ACYP2: variants seen among roughly 807,000 people sequenced by gnomAD.
ACYP2 encodes the protein acylphosphatase 2, also known as acylphosphatase-2.
In ACYP2, 12 loss-of-function variants were observed where a neutral mutation model predicts 11.2. The observed-to-expected ratio is 1.08, with a 90% CI of 0.69 to 1.74. The LOEUF (loss-of-function observed/expected upper bound fraction) is 1.74, where lower values mean the gene tolerates loss of function less well. ACYP2 is among the 40% of genes most tolerant of loss of function. The pLI, the probability that ACYP2 is intolerant of heterozygous loss-of-function variation, is 0.00. For missense variants in ACYP2, 134 were observed against 101.9 expected (o/e 1.31, Z -1.35); for synonymous variants, 43 against 32.2 (o/e 1.33, Z -1.13).
intron 6 of ACYP2, among the ~76,000 whole-genome samples, chr2:54,290,224 C>T (rs1689243748): frequency 6.6e-6 from 1 of 152,070 alleles, no homozygotes. Flanking sequence ...CGGGCGAGGC[C>T]GTGGCTGCCT....
chr2:54,023,848 A>C (rs1558478093), intron 2 of ACYP2, among the ~76,000 whole-genome samples: 1 of 152,252 alleles, frequency 6.6e-6, no homozygotes, highest in Non-Finnish European at 1.5e-5. Flanking sequence ...ATGGATTCAC[A>C]GCTGAATTCT....
At chr2:53,971,946 T>C (rs1300848510) in intron 1 of ACYP2, among the ~76,000 whole-genome samples, 1 of 152,248 alleles carries the variant, frequency 6.6e-6, no homozygotes, top group Non-Finnish European at 1.5e-5. Flanking sequence ...ATTCAGAGCT[T>C]TATCCTAGAG....
At position 54,051,448 on chromosome 2, in the gene ACYP2, CG is replaced by C. The variant is rs1573611985; in HGVS notation, c.155+401del. ...AATGAAAATCTATATCCCTCCTAAA[CG>C]GGTGACAAAAAAGAAGTTTGAGGAT... is the stretch of plus-strand genomic sequence containing the variant. On this transcript the variant is annotated intron_variant, in intron 3 of 6. Coordinates refer to ENST00000607452, the MANE Select transcript of ACYP2 (RefSeq NM_001320586.2). 4.3e-6 allele frequency: 3 copies of C among 705,164 alleles called. No homozygotes were observed. In the African/African-American group the frequency reaches 5.3e-5, roughly 13 times the overall value. The allele number at this position is 705,164 out of a possible 1,614,324, so 43.7% of individuals were successfully genotyped here. A position where few individuals can be genotyped will look rare whatever the true frequency, so the allele number is the denominator to read the frequency against.
chr2:54,120,088 T>G (rs903753296), intron 4 of ACYP2, among the ~76,000 whole-genome samples: 14 of 152,256 alleles, frequency 9.2e-5, no homozygotes, highest in Non-Finnish European at 2.1e-4. Context: ...CAATCTGACT[T>G]ATCACTGTTG....
chr2:54,233,819 C>A (rs189420838), intron 6 of ACYP2, among the ~76,000 whole-genome samples: 269 of 152,102 alleles, frequency 1.8e-3, no homozygotes, highest in Non-Finnish European at 2.8e-3. Flanking sequence ...AAAAAGGTCA[C>A]GGGAAAATGG....
intron 6 of ACYP2, among the ~76,000 whole-genome samples, chr2:54,211,451 T>C (rs1685326773): frequency 6.6e-6 from 1 of 152,244 alleles, no homozygotes; most frequent in African/African-American, 2.4e-5. Context: ...AAAACCTAAC[T>C]GCTGTTAGTT....
chr2:54,039,311 G>A (rs1394974585), intron 2 of ACYP2, among the ~76,000 whole-genome samples: 1 of 150,180 alleles, frequency 6.7e-6, no homozygotes, highest in Admixed American at 6.6e-5. Context: ...TTGGCGGGGG[G>A]GGACAGGGTC....
rs145615796 is a variant in ACYP2, at chr2:54,055,067, C to T, written c.156-2172C>T. ...TTTTTTCTTTTTTTAGACAGAGTCT[C>T]GCTCTGTCAACCGGGCTAGAGTGCA... is the stretch of plus-strand genomic sequence containing the variant. On this transcript the variant is annotated intron_variant, in intron 3 of 6. Transcript: ENST00000607452. Among the ~76,000 whole-genome samples the T allele has an allele frequency of 4.6e-3, 697 of 152,164 alleles. 5 individuals are homozygous for T. Among genetic ancestry groups the T allele is most frequent in the African/African-American group, 0.016 (673 of 41,488 alleles).
chr2:54,299,265 C>A (rs1038421970), intron 6 of ACYP2, among the ~76,000 whole-genome samples: 4 of 152,210 alleles, frequency 2.6e-5, no homozygotes, highest in African/African-American at 9.6e-5. Context: ...AAGATACCAA[C>A]GTCAGAGGCT....
chr2:54,079,958 G>T, intron 4 of ACYP2: 1 of 158,064 alleles, frequency 6.3e-6, no homozygotes, highest in East Asian at 1.7e-4. Context: ...AGTCTCTAAG[G>T]ACTCAGCTCC....
chr2:54,181,804 T>G (rs76939516), intron 6 of ACYP2, among the ~76,000 whole-genome samples: 9,128 of 152,162 alleles, frequency 0.06, 461 homozygotes, highest in African/African-American at 0.13. Context: ...GCCATTTCTG[T>G]CCACTGGTTC....
intron 4 of ACYP2, among the ~76,000 whole-genome samples, chr2:54,127,590 T>C (rs1158372732): frequency 5.3e-5 from 8 of 151,416 alleles, no homozygotes; most frequent in Admixed American, 5.3e-4. Context: ...ATTACAAAAA[T>C]ACAAAAAATT....
intron 6 of ACYP2, among the ~76,000 whole-genome samples, chr2:54,207,395 C>T (rs62139188): frequency 0.23 from 35,600 of 152,018 alleles, 4,330 homozygotes; most frequent in East Asian, 0.39. Context: ...AAGCCTCAGT[C>T]TTTGTTCTTT....
chr2:53,987,633 C>T (rs1450773834), intron 2 of ACYP2, among the ~76,000 whole-genome samples: 2 of 152,172 alleles, frequency 1.3e-5, no homozygotes, highest in East Asian at 3.8e-4. Context: ...GTTTCTCTGC[C>T]AATACCTGAT....
intron 6 of ACYP2, chr2:54,223,117 A>G (rs1025674912): frequency 6.6e-6 from 1 of 152,196 alleles, no homozygotes; most frequent in East Asian, 1.9e-4. Flanking sequence ...CTCATTACAA[A>G]GCAAAAATAG....
intron 6 of ACYP2, among the ~76,000 whole-genome samples, chr2:54,145,516 A>G (rs968732228): frequency 6.6e-5 from 10 of 152,110 alleles, no homozygotes; most frequent in African/African-American, 2.4e-4. Flanking sequence ...AAACACATAC[A>G]TGAATAGAGA....
In ACYP2 at chr2:54,253,736, T is replaced by C. The variant is rs548602692; in HGVS notation, c.405-50952T>C. 6 of 152,342 alleles carry C rather than the reference T, an allele frequency of 3.9e-5. No homozygotes were observed. The South Asian group carries it at 1.2e-3, about 32-fold the overall frequency. The allele number at this position is 152,342 out of a possible 1,614,324, so 9.4% of individuals were successfully genotyped here. On this transcript the variant is annotated intron_variant, in intron 6 of 6. Transcript: ENST00000607452. The stretch of plus-strand genomic sequence containing the variant: ...TTTAGTTCTTCTATCCACTCTGAAC[T>C]AGAAATCACCTTTCATTCCATACAG...
chr2:54,190,163 T>C (rs1684182528), intron 6 of ACYP2, among the ~76,000 whole-genome samples: 1 of 152,176 alleles, frequency 6.6e-6, no homozygotes, highest in African/African-American at 2.4e-5. Flanking sequence ...TAATTTGCCT[T>C]TTCATTTTGT....
chr2:54,241,897 C>T (rs146959249), intron 6 of ACYP2, among the ~76,000 whole-genome samples: 1 of 152,260 alleles, frequency 6.6e-6, no homozygotes, highest in African/African-American at 2.4e-5. Context: ...CCTATAATCC[C>T]ATCTACTCCA....
Sources: allele counts gnomAD v4.1 joint callset (sites outside exome capture counted in the v4.1 genomes callset), GRCh38; gene constraint gnomAD v4.1.1; transcripts MANE v1.5; gene names NCBI Gene and HGNC (gene_info 2026-07-23, HGNC 2026-07-21).